The following CC2D2A variants were observed in gnomAD, a reference collection of about 807,000 sequenced individuals.
The protein encoded by CC2D2A is coiled-coil and C2 domain containing 2A.
Under a neutral mutation model 212.9 loss-of-function variants are expected in CC2D2A, and 155 were observed. The observed-to-expected ratio is 0.73, with a 90% confidence interval of 0.64 to 0.83. The LOEUF is 0.83. Among genes scored for constraint, CC2D2A ranks in the 40% least tolerant of loss-of-function variants. The pLI, the probability that CC2D2A is intolerant of heterozygous loss-of-function variation, is 0.00. For synonymous variants in CC2D2A, 667 were observed against 686.5 expected (o/e 0.97, Z 0.44); for missense variants, 1,856 against 1,956.2 (o/e 0.95, Z 0.97).
intron 17 of CC2D2A, chr4:15,543,637 A>G (rs1718570396): frequency 6.6e-6 from 1 of 152,228 alleles, no homozygotes; most frequent in Non-Finnish European, 1.5e-5. Context: ...CAGCCTTCAG[A>G]TACGTGGTCA....
intron 17 of CC2D2A, among the ~76,000 whole-genome samples, chr4:15,541,529 T>A (rs974439599): frequency 1.3e-5 from 2 of 152,070 alleles, no homozygotes; most frequent in African/African-American, 4.8e-5. Context: ...GCTGGCAGAA[T>A]AACTCTGGCC....
At chr4:15,587,793 T>C (rs369353867) in intron 31 of CC2D2A, 23 bp from the exon 32 acceptor site, 1 of 1,294,806 alleles carries the variant, frequency 7.7e-7, no homozygotes, top group African/African-American at 1.5e-5. Context: ...TCATACAACA[T>C]AATTTTTTTT....
intron 17 of CC2D2A, among the ~76,000 whole-genome samples, chr4:15,544,792 A>G (rs968840440): frequency 6.6e-6 from 1 of 152,238 alleles, no homozygotes; most frequent in African/African-American, 2.4e-5. Flanking sequence ...TGCCTTGAAT[A>G]TTAGCTTGCT....
chr4:15,544,476 G>C (rs1002078238), intron 17 of CC2D2A, among the ~76,000 whole-genome samples: 1 of 152,232 alleles, frequency 6.6e-6, no homozygotes, highest in African/African-American at 2.4e-5. Context: ...GCAGAAGACA[G>C]TAATGAGGCA....
chr4:15,601,172 A>G (rs1721576881), intron 36 of CC2D2A, 65 bp from the exon 37 acceptor site: 3 of 1,294,184 alleles, frequency 2.3e-6, no homozygotes, highest in Non-Finnish European at 3.3e-6. Context: ...GCATACATTT[A>G]CGTAGGAAAA....
At chr4:15,594,423 T>C (rs568878382) in intron 33 of CC2D2A, among the ~76,000 whole-genome samples, 1 of 152,132 alleles carries the variant, frequency 6.6e-6, no homozygotes, top group Non-Finnish European at 1.5e-5. Context: ...TAATTGAGGC[T>C]GGGCAACTCT....
intron 11 of CC2D2A, among the ~76,000 whole-genome samples, chr4:15,524,382 T>TG (rs1717380638): frequency 6.6e-6 from 1 of 151,918 alleles, no homozygotes; most frequent in South Asian, 2.1e-4. Flanking sequence ...CCACCCGCCT[T>TG]GGCCTCCCAA....
chr4:15,531,982 G>A (rs983623761), intron 13 of CC2D2A, among the ~76,000 whole-genome samples: 5 of 152,010 alleles, frequency 3.3e-5, no homozygotes, highest in East Asian at 1.9e-4. Context: ...CACATTATGC[G>A]GATTAGCTCA....
At chr4:15,593,115 C>T (rs1577401577) in intron 33 of CC2D2A, among the ~76,000 whole-genome samples, 1 of 152,126 alleles carries the variant, frequency 6.6e-6, no homozygotes, top group Non-Finnish European at 1.5e-5. Context: ...ACACGGATAC[C>T]TGATTAAGCT....
chr4:15,477,432 C>A (rs374519615), intron 2 of CC2D2A, among the ~76,000 whole-genome samples: 1 of 152,054 alleles, frequency 6.6e-6, no homozygotes, highest in African/African-American at 2.4e-5. Context: ...AGTAAACAAA[C>A]CTTGTTCCCT....
At chr4:15,510,741 A>G (rs994914765) in intron 7 of CC2D2A, among the ~76,000 whole-genome samples, 1 of 152,238 alleles carries the variant, frequency 6.6e-6, no homozygotes, top group Non-Finnish European at 1.5e-5. Context: ...GAGGGAGTGC[A>G]TGGAAAGACA....
intron 4 of CC2D2A, among the ~76,000 whole-genome samples, chr4:15,501,824 T>A (rs1426917729): frequency 6.6e-6 from 1 of 152,128 alleles, no homozygotes; most frequent in African/African-American, 2.4e-5. Context: ...AGAAATACAT[T>A]TGATGCAGGT....
intron 11 of CC2D2A, among the ~76,000 whole-genome samples, chr4:15,522,886 A>G (rs1181612193): frequency 2.0e-5 from 3 of 151,226 alleles, no homozygotes; most frequent in East Asian, 2.0e-4. Context: ...TGGGAGGCCG[A>G]GGTGGGCAGA....
At chr4:15,565,289 T>A (rs1182286606) in intron 24 of CC2D2A, among the ~76,000 whole-genome samples, 1 of 152,204 alleles carries the variant, frequency 6.6e-6, no homozygotes, top group Admixed American at 6.5e-5. Context: ...GCATAGTTGA[T>A]CCTACATGCT....
intron 3 of CC2D2A, 42 bp downstream of exon 3, chr4:15,478,848 T>C (rs1560388166): frequency 6.9e-7 from 1 of 1,446,704 alleles, no homozygotes; most frequent in Non-Finnish European, 9.5e-7. Context: ...TTGTCATTGA[T>C]CAACAACCCG....
intron 6 of CC2D2A, among the ~76,000 whole-genome samples, chr4:15,504,237 C>T (rs1002329393): frequency 1.3e-5 from 2 of 152,194 alleles, no homozygotes; most frequent in Non-Finnish European, 2.9e-5. Flanking sequence ...GTTTTGTGGT[C>T]GTCAGTAGGA....
chr4:15,597,271 G>A (rs1721358527), intron 34 of CC2D2A, 136 bp from the exon 35 acceptor site: 1 of 693,328 alleles, frequency 1.4e-6, no homozygotes, highest in East Asian at 2.7e-5. Flanking sequence ...GGTGGGTCAT[G>A]GGTACATCAG....
chr4:15,492,664 G>T, intron 4 of CC2D2A: 1 of 599,074 alleles, frequency 1.7e-6, no homozygotes, highest in South Asian at 1.5e-5. Context: ...GGACTCCTCA[G>T]CAGCTGAGGG....
At chr4:15,563,069 T>G (rs1276243007) in intron 23 of CC2D2A, among the ~76,000 whole-genome samples, 1 of 152,180 alleles carries the variant, frequency 6.6e-6, no homozygotes, top group East Asian at 1.9e-4. Flanking sequence ...ATAGGCATGT[T>G]TGAGGAACTG....
Sources: allele counts gnomAD v4.1 joint callset (sites outside exome capture counted in the v4.1 genomes callset), GRCh38; gene constraint gnomAD v4.1.1; transcripts MANE v1.5; gene names NCBI Gene and HGNC (gene_info 2026-07-23, HGNC 2026-07-21).